ZDHHC8: variants seen among roughly 807,000 people sequenced by gnomAD.
ZDHHC8 encodes zDHHC palmitoyltransferase 8.
ZDHHC8 carries 24 observed loss-of-function variants against 61.2 expected under a neutral mutation model. The ratio of observed to expected loss-of-function variants is 0.39; its 90% CI spans 0.28 to 0.55. The LOEUF (loss-of-function observed/expected upper bound fraction) is 0.55, where lower values mean the gene tolerates loss of function less well. Among genes scored for constraint, ZDHHC8 ranks in the 20% least tolerant of loss-of-function variants. The probability of loss-of-function intolerance (pLI) is 0.60; values close to 1 mark genes in which losing one functional copy is unlikely to be tolerated. For missense variants in ZDHHC8, 935 were observed against 1,102.1 expected (o/e 0.85, Z 2.15); for synonymous variants, 523 against 492.5 (o/e 1.06, Z -0.82).
intron 1 of ZDHHC8, among the ~76,000 whole-genome samples, chr22:20,133,037 G>A (rs888069339): frequency 2.0e-5 from 3 of 152,248 alleles, no homozygotes; most frequent in Non-Finnish European, 2.9e-5. Flanking sequence ...GGGGCTGCCT[G>A]GCGCTCGTCA....
Position 20,131,872 on chromosome 22 carries a change from CG to C in ZDHHC8, c.-75del. On this transcript the variant is annotated 5_prime_UTR_variant, in exon 1 of 11. Transcript: ENST00000334554. ...GGTCCTGCGCCGCGTCCAGCCCGCCCGCCCGACCCCGGCCCGACCCCGGCCG... is the reference window on the plus strand; with the variant it reads ...GGTCCTGCGCCGCGTCCAGCCCGCCCCCCGACCCCGGCCCGACCCCGGCCG... The C allele has an allele frequency of 9.8e-6, 4 of 406,590 alleles. No individual in the cohort carries two copies. The highest frequency in any genetic ancestry group is 1.3e-5 in the Non-Finnish European group (4 of 302,910). 25.2% of individuals were successfully genotyped at this position (406,590 alleles called of 1,614,324 possible). A position where few individuals can be genotyped will look rare whatever the true frequency, so the allele number is the denominator to read the frequency against.
intron 1 of ZDHHC8, among the ~76,000 whole-genome samples, chr22:20,138,404 G>A (rs529123749): frequency 2.0e-5 from 3 of 152,366 alleles, no homozygotes; most frequent in Admixed American, 6.5e-5. Context: ...CCCGAGGACC[G>A]GCAAGTCTCT....
rs759091012 is a variant in ZDHHC8, at chr22:20,140,121, T to C, written c.564T>C (p.Ala188=). 2.0e-5 allele frequency: 33 copies of C among 1,613,596 alleles called. No individual in the cohort carries two copies. Among genetic ancestry groups the C allele is most frequent in the Non-Finnish European group, 2.8e-5 (33 of 1,180,020 alleles). ...LGAAHTTITM[A]VMCVAGLFFI... ...GTTGGCCTTAACGGGCTAGCATGGC[T>C]GTCATGTGTGTGGCCGGCCTCTTCT... The change falls in exon 5 of 11, where the codon GCT becomes GCC. Residue 188 remains alanine (A), a synonymous_variant. Coordinates refer to ENST00000334554, the MANE Select transcript of ZDHHC8 (RefSeq NM_013373.4).
chr22:20,141,873 A>G (rs948561415), intron 9 of ZDHHC8, among the ~76,000 whole-genome samples: 2 of 152,254 alleles, frequency 1.3e-5, no homozygotes, highest in Non-Finnish European at 2.9e-5. Flanking sequence ...ACTGTGTACC[A>G]GGATGCCTGG....
In ZDHHC8 at chr22:20,147,012, G is replaced by C; in HGVS notation, c.*1612G>C. The C allele has an allele frequency of 7.1e-7, 1 of 1,401,782 alleles. No individual in the cohort carries two copies. Among genetic ancestry groups the C allele is most frequent in the Non-Finnish European group, 9.3e-7 (1 of 1,080,372 alleles). The allele number at this position is 1,401,782 out of a possible 1,614,324, so 86.8% of individuals were successfully genotyped here. A position where few individuals can be genotyped will look rare whatever the true frequency, so the allele number is the denominator to read the frequency against. On this transcript the variant is annotated 3_prime_UTR_variant, in exon 11 of 11. Transcript: ENST00000334554. ...TCTGCTTCTCTCTCACGGACGCCGCGGCCCGCAGGGGGCGGATTGGCACCT... is the reference window on the plus strand; with the variant it reads ...TCTGCTTCTCTCTCACGGACGCCGCCGCCCGCAGGGGGCGGATTGGCACCT...
chr22:20,140,937 A>T lies in ZDHHC8; in HGVS notation c.819A>T (p.Glu273Asp). ...TGAAGCCGCCTTTCCTTAGGCCTGA[A>T]CTCCTGGACCGAGCTGCACCGCTCA... ...VSLKPPFLRP[E>D]LLDRAAPLKV... Residue 273 changes from glutamate to aspartate, a missense_variant, in exon 7 of 11, where the codon GAA becomes GAT. Coordinates refer to ENST00000334554, the MANE Select transcript of ZDHHC8 (RefSeq NM_013373.4). 6.2e-7 allele frequency: 1 copy of T among 1,609,160 alleles called. No homozygotes were observed. The highest frequency in any genetic ancestry group is 8.5e-7 in the Non-Finnish European group (1 of 1,179,892).
chr22:20,132,614 G>T (rs1232102321), intron 1 of ZDHHC8, among the ~76,000 whole-genome samples: 1 of 152,260 alleles, frequency 6.6e-6, no homozygotes, highest in Non-Finnish European at 1.5e-5. Context: ...GGTCATCACA[G>T]CTGGAGGGCC....
intron 7 of ZDHHC8, 79 bp from the exon 8 acceptor site, chr22:20,141,138 C>A: frequency 2.5e-6 from 4 of 1,582,612 alleles, no homozygotes; most frequent in Non-Finnish European, 3.4e-6. Flanking sequence ...TGGGAGGGGG[C>A]TAGGTCCCAG....
Position 20,143,465 on chromosome 22 carries a change from C to T in ZDHHC8, c.1835C>T (p.Ala612Val). ...LRYGSRDDLV[A>V]GPGFGGARNP... ...TATGGCTCCAGAGACGACCTTGTGG[C>T]TGGGCCCGGCTTCGGTGGCGCCCGC... The change falls in exon 10 of 11, where the codon GCT (alanine) becomes GTT (valine). Residue 612 changes from alanine (A) to valine (V), a missense_variant. This residue lies in a region of ZDHHC8 where 692 missense variants were observed against 731.4 expected (regional missense o/e 0.95). Coordinates refer to ENST00000334554, the MANE Select transcript of ZDHHC8 (RefSeq NM_013373.4). 6.2e-7 allele frequency: 1 copy of T among 1,600,390 alleles called. No homozygotes were observed. The highest frequency in any genetic ancestry group is 8.5e-7 in the Non-Finnish European group (1 of 1,179,374).
At chr22:20,140,382 C>A in intron 5 of ZDHHC8, 165 bp downstream of exon 5, 1 of 789,972 alleles carries the variant, frequency 1.3e-6, no homozygotes, top group Non-Finnish European at 2.0e-6. Flanking sequence ...CCTGCCCCGT[C>A]CCCTGCGCAC....
In ZDHHC8 at chr22:20,145,397, G is replaced by A. The variant is rs763569220; in HGVS notation, c.2295G>A (p.Val765=). ...GVGGTTYEIS[V] is the part of the protein sequence containing the mutation. The stretch of plus-strand genomic sequence containing the variant: ...GTGGGACCACCTACGAGATCTCGGT[G>A]TGAGGACTGACTGCCACACATCCGC... The change falls in exon 11 of 11, where the codon GTG becomes GTA. Residue 765 remains valine, a synonymous_variant. Transcript: ENST00000334554. The A allele has an allele frequency of 9.8e-6, 15 of 1,536,354 alleles. No homozygotes were observed. The highest frequency in any genetic ancestry group is 8.8e-6 in the Non-Finnish European group (10 of 1,141,062).
In ZDHHC8 at chr22:20,145,717, GC is replaced by G; in HGVS notation, c.*320del. 5.8e-6 allele frequency: 6 copies of G among 1,027,304 alleles called. No homozygotes were observed. Among genetic ancestry groups the G allele is most frequent in the Non-Finnish European group, 7.0e-6 (6 of 857,300 alleles). The allele number at this position is 1,027,304 out of a possible 1,614,324, so 63.6% of individuals were successfully genotyped here. On this transcript the variant is annotated 3_prime_UTR_variant, in exon 11 of 11. Coordinates refer to ENST00000334554, the MANE Select transcript of ZDHHC8 (RefSeq NM_013373.4). ...GGGCACCCTCTCTCAGCCAGGCTTG[GC>G]CCACTGCCATCACCCAGCACCCCAG...
At chr22:20,140,011 G>A in intron 4 of ZDHHC8, 104 bp from the exon 5 acceptor site, 2 of 1,586,356 alleles carry the variant, frequency 1.3e-6, no homozygotes, top group South Asian at 2.2e-5. Context: ...TGGGCAGGTG[G>A]CCGTCCCTAG....
rs747298085 is a variant in ZDHHC8 at position 20,146,008 on chromosome 22, GGGGCCC to G, written c.*611_*616del. 11 of 985,942 alleles carry G rather than the reference GGGGCCC, an allele frequency of 1.1e-5. No individual in the cohort carries two copies. The highest frequency in any genetic ancestry group is 1.3e-5 in the Non-Finnish European group (11 of 830,092). 61.1% of individuals were successfully genotyped at this position (985,942 alleles called of 1,614,324 possible). A position where few individuals can be genotyped will look rare whatever the true frequency, so the allele number is the denominator to read the frequency against. ...ACGGCCAGCCAGCCAGCTGTGGCCG[GGGGCCC>G]GGCTCCATGTGTCCCGTGTCTGTGT... is the stretch of plus-strand genomic sequence containing the variant. On this transcript the variant is annotated 3_prime_UTR_variant, in exon 11 of 11. Transcript: ENST00000334554.
rs901610118 is a variant in ZDHHC8 at position 20,147,358 on chromosome 22, T to G, written c.*1958T>G. The G allele has an allele frequency of 2.0e-6, 2 of 993,928 alleles. No homozygotes were observed. The highest frequency in any genetic ancestry group is 2.8e-6 in the Non-Finnish European group (2 of 721,090). The allele number at this position is 993,928 out of a possible 1,614,324, so 61.6% of individuals were successfully genotyped here. On this transcript the variant is annotated 3_prime_UTR_variant, in exon 11 of 11. Coordinates refer to ENST00000334554, the MANE Select transcript of ZDHHC8 (RefSeq NM_013373.4). The stretch of plus-strand genomic sequence containing the variant: ...GCTCTCTGCTCCACCAGCCACAGCT[T>G]GACAGATTCCCAGCCTGCCAGGGCC...
At chr22:20,132,649 G>A (rs375201880) in intron 1 of ZDHHC8, among the ~76,000 whole-genome samples, 1 of 152,218 alleles carries the variant, frequency 6.6e-6, no homozygotes, top group Non-Finnish European at 1.5e-5. Context: ...CCCAGGGCCC[G>A]ATGTTAGCAC....
Position 20,146,946 on chromosome 22 carries a change from A to G in ZDHHC8, c.*1546A>G, listed in dbSNP as rs1020393549. The G allele has an allele frequency of 2.2e-6, 3 of 1,356,934 alleles. No homozygotes were observed. The highest frequency in any genetic ancestry group is 2.8e-6 in the Non-Finnish European group (3 of 1,057,858). 84.1% of individuals were successfully genotyped at this position (1,356,934 alleles called of 1,614,324 possible). ...TGGGCTGGGGCTGTCCCAGCGTGGG[A>G]GGCGTGCGGGCTGTAGGGCCCCGAA... is the stretch of plus-strand genomic sequence containing the variant. On this transcript the variant is annotated 3_prime_UTR_variant, in exon 11 of 11. Coordinates refer to ENST00000334554, the MANE Select transcript of ZDHHC8 (RefSeq NM_013373.4).
Position 20,143,533 on chromosome 22 carries a change from G to A in ZDHHC8, c.1903G>A (p.Val635Met), listed in dbSNP as rs770903273. 120 of 1,598,754 alleles carry A rather than the reference G, an allele frequency of 7.5e-5. No individual in the cohort carries two copies. Among genetic ancestry groups the A allele is most frequent in the Non-Finnish European group, 9.1e-5 (107 of 1,177,204 alleles). The change falls in exon 10 of 11, where the codon GTG becomes ATG. Residue 635 changes from valine to methionine, a missense_variant. This residue lies in a region of ZDHHC8 where 692 missense variants were observed against 731.4 expected (regional missense o/e 0.95). Transcript: ENST00000334554. ...QTSLSSLSSS[V>M]SRAPRTSSSS... ...GTCACTGTCCTCGCTGTCCAGCTCCGTGAGCCGTGCACCGCGGACGTCGTC... is the reference window on the plus strand; with the variant it reads ...GTCACTGTCCTCGCTGTCCAGCTCCATGAGCCGTGCACCGCGGACGTCGTC...
chr22:20,131,889 A>T lies in ZDHHC8; in HGVS notation c.-59A>T. The T allele has an allele frequency of 2.9e-6, 1 of 348,964 alleles. No homozygotes were observed. The highest frequency in any genetic ancestry group is 4.0e-6 in the Non-Finnish European group (1 of 251,498). 21.6% of individuals were successfully genotyped at this position (348,964 alleles called of 1,614,324 possible). A position where few individuals can be genotyped will look rare whatever the true frequency, so the allele number is the denominator to read the frequency against. ...AGCCCGCCCGCCCGACCCCGGCCCG[A>T]CCCCGGCCGGCCCTGCCCGCCCGGC... On this transcript the variant is annotated 5_prime_UTR_variant, in exon 1 of 11. Transcript: ENST00000334554.
Sources: gnomAD v4.1 joint callset for allele counts (sites outside exome capture counted in the v4.1 genomes callset) on GRCh38, gnomAD v4.1.1 for gene constraint, gnomAD v4.1.1 regional missense constraint, MANE v1.5 for transcripts, NCBI Gene and HGNC (gene_info 2026-07-23, HGNC 2026-07-21) for gene names.